Variants in LAMB4 observed in about 807,000 individuals in gnomAD.
LAMB4 encodes laminin subunit beta-4.
Under a neutral mutation model 199.2 loss-of-function variants are expected in LAMB4, and 196 were observed. That is an observed-to-expected ratio of 0.98 (90% CI 0.88 to 1.11). The LOEUF is 1.11. Ranked by LOEUF, LAMB4 falls within the 50% of genes least tolerant of loss-of-function variation. LAMB4 has a pLI of 0.00. For missense variants in LAMB4, 2,080 were observed against 2,171.2 expected, an observed-to-expected ratio of 0.96 and a Z score of 0.83; for synonymous variants, 744 against 770.6, an observed-to-expected ratio of 0.97 and a Z score of 0.57.
At chr7:108,042,123 G>A (rs550553080) in intron 29 of LAMB4, among the ~76,000 whole-genome samples, 5 of 152,108 alleles carry the variant, frequency 3.3e-5, no homozygotes, top group East Asian at 3.9e-4. Context: ...ATTTTATTGG[G>A]GCTTTATAGC....
intron 17 of LAMB4, among the ~76,000 whole-genome samples, chr7:108,074,665 G>A (rs370239015): frequency 6.6e-6 from 1 of 152,002 alleles, no homozygotes; most frequent in Non-Finnish European, 1.5e-5. Flanking sequence ...CACCATGCCC[G>A]GCCCAAATGC....
intron 16 of LAMB4, among the ~76,000 whole-genome samples, chr7:108,077,621 C>T (rs1053995529): frequency 3.9e-5 from 6 of 151,904 alleles, no homozygotes; most frequent in African/African-American, 1.5e-4. Flanking sequence ...TTGAACCCAG[C>T]AGGCAGAGGT....
At chr7:108,042,603 T>C (rs2035456829) in intron 29 of LAMB4, among the ~76,000 whole-genome samples, 2 of 152,322 alleles carry the variant, frequency 1.3e-5, no homozygotes, top group South Asian at 4.1e-4. Context: ...TCCAGTAGAC[T>C]GATTCTACCC....
downstream of LAMB4, among the ~76,000 whole-genome samples, chr7:108,019,278 C>T (rs2034642573): frequency 6.6e-6 from 1 of 152,000 alleles, no homozygotes; most frequent in Non-Finnish European, 1.5e-5. Context: ...CCATTGGCCC[C>T]TTCCTTCATG....
intron 3 of LAMB4, among the ~76,000 whole-genome samples, chr7:108,114,443 A>G (rs2038341590): frequency 6.6e-6 from 1 of 152,072 alleles, no homozygotes; most frequent in South Asian, 2.1e-4. Flanking sequence ...TATCTAAAAA[A>G]TAGAGTTGAG....
Position 108,068,175 on chromosome 7 carries a change from G to T in LAMB4, c.2303-16C>A. Reference sequence around the variant, plus strand: ...CACTTGCAGGCTGCAAGGAACAATGGAAGGGAGGTAGAAATGAATGAAGAG... The same window carrying T: ...CACTTGCAGGCTGCAAGGAACAATGTAAGGGAGGTAGAAATGAATGAAGAG... On this transcript the variant is annotated splice_polypyrimidine_tract_variant and intron_variant, in intron 18 of 33. Transcript: ENST00000388781. 1 of 1,613,590 alleles carries T rather than the reference G, an allele frequency of 6.2e-7. No individual in the cohort carries two copies.
rs772660844 is a variant in LAMB4 at position 108,055,983 on chromosome 7, G to A, written c.3404C>T (p.Thr1135Ile). 5.0e-6 allele frequency: 8 copies of A among 1,613,086 alleles called. No homozygotes were observed. Among genetic ancestry groups the A allele is most frequent in the Non-Finnish European group, 6.8e-6 (8 of 1,179,514 alleles). The change falls in exon 25 of 34, where the codon ACC becomes ATC. Residue 1135 changes from threonine (T) to isoleucine (I), a missense_variant. Thr to Ile is a moderately conservative substitution (Grantham distance 89). Transcript: ENST00000388781. ...CIPCDCNRAG[T>I]QKPICDPDTG... ...GTCTGGATCACAGATGGGCTTCTGG[G>A]TACCTGCCCTGTTACAATCACATGC... is the stretch of plus-strand genomic sequence containing the variant.
intron 26 of LAMB4, among the ~76,000 whole-genome samples, chr7:108,051,661 T>C (rs561676404): frequency 6.6e-6 from 1 of 152,168 alleles, no homozygotes; most frequent in Admixed American, 6.5e-5. Flanking sequence ...CTTACAAAGC[T>C]CTTATGAGAA....
chr7:108,115,359 G>GA (rs1189860325), intron 3 of LAMB4, among the ~76,000 whole-genome samples: 1 of 152,104 alleles, frequency 6.6e-6, no homozygotes, highest in African/African-American at 2.4e-5. Context: ...AAATATTTGG[G>GA]AAAAAATAAC....
chr7:108,048,855 G>A (rs1459148563), intron 27 of LAMB4, among the ~76,000 whole-genome samples: 1 of 151,944 alleles, frequency 6.6e-6, no homozygotes, highest in Non-Finnish European at 1.5e-5. Context: ...ACTACCCCCA[G>A]GTAATTTTTG....
At chr7:108,127,302 C>A (rs2038829618) in intron 1 of LAMB4, among the ~76,000 whole-genome samples, 1 of 151,082 alleles carries the variant, frequency 6.6e-6, no homozygotes, top group Non-Finnish European at 1.5e-5. Context: ...CAGGTGAGTC[C>A]AATGGGCAGC....
intron 10 of LAMB4, among the ~76,000 whole-genome samples, chr7:108,099,141 G>A (rs76294992): frequency 6.6e-6 from 1 of 152,126 alleles, no homozygotes; most frequent in Non-Finnish European, 1.5e-5. Flanking sequence ...ATTTTTCCTG[G>A]AAGAAACACC....
At chr7:108,064,539 T>G (rs1241944650) in intron 21 of LAMB4, among the ~76,000 whole-genome samples, 2 of 152,196 alleles carry the variant, frequency 1.3e-5, no homozygotes, top group Admixed American at 1.3e-4. Context: ...CTCTTTACCC[T>G]TGCAACCATG....
At chr7:108,025,402 T>TTTCTTTCTTTCTTTCTTTC (rs1563024660) in intron 33 of LAMB4, among the ~76,000 whole-genome samples, 1 of 127,286 alleles carries the variant, frequency 7.9e-6, no homozygotes, top group African/African-American at 4.7e-5. Context: ...TCTTTCTTTC[T>TTTCTTTCTTTCTTTCTTTC]TTCTTTCTTT....
At position 108,066,413 on chromosome 7, in the gene LAMB4, T is replaced by TCCTGA. The variant is rs1425354583; in HGVS notation, c.2633_2634insTCAGG (p.Cys879GlnfsTer60). On this transcript the variant is annotated frameshift_variant, in exon 20 of 34. Transcript: ENST00000388781. LOFTEE classifies it high-confidence loss of function. The stretch of plus-strand genomic sequence containing the variant: ...TTGTAAAGCCTCCACAATTGAAGCA[T>TCCTGA]GACCCTGTCTCAGGATCACAAAGTT... 3 of 1,614,234 alleles carry TCCTGA rather than the reference T, an allele frequency of 1.9e-6. No homozygotes were observed. The highest frequency in any genetic ancestry group is 2.2e-5 in the South Asian group (2 of 91,082).
intron 29 of LAMB4, among the ~76,000 whole-genome samples, chr7:108,038,431 G>T (rs1463320609): frequency 6.6e-6 from 1 of 152,182 alleles, no homozygotes; most frequent in Non-Finnish European, 1.5e-5. Context: ...AAAGTGCGGG[G>T]ATACAGGCAT....
intron 27 of LAMB4, 71 bp downstream of exon 27, chr7:108,049,255 A>G (rs548120792): frequency 4.4e-4 from 245 of 554,404 alleles, no homozygotes; most frequent in Non-Finnish European, 6.3e-4. Context: ...AGCTAGGGAA[A>G]TATCATTGAA....
rs550029354 is a variant in LAMB4, at chr7:108,035,667, A to G, written c.4680-1321T>C. ...GGGAAAAAATACCAGTAATCTTGCC[A>G]TCTTTTAAAATGTTAGGATATTGTA... On this transcript the variant is annotated intron_variant, in intron 30 of 33. Transcript: ENST00000388781. Among the ~76,000 whole-genome samples the G allele has an allele frequency of 1.1e-4, 16 of 150,218 alleles. No individual in the cohort carries two copies. The South Asian group carries it at 3.4e-3, about 32-fold the overall frequency.
downstream of LAMB4, among the ~76,000 whole-genome samples, chr7:108,021,417 G>A (rs1015305506): frequency 1.3e-5 from 2 of 152,066 alleles, no homozygotes; most frequent in Non-Finnish European, 2.9e-5. Context: ...TACTTTAGAA[G>A]GGAAAATGGG....
Sources: gnomAD v4.1 joint callset for allele counts (sites outside exome capture counted in the v4.1 genomes callset) on GRCh38, gnomAD v4.1.1 for gene constraint, MANE v1.5 for transcripts, NCBI Gene and HGNC (gene_info 2026-07-23, HGNC 2026-07-21) for gene names.